Variants in RMST observed in about 807,000 individuals in gnomAD.
The protein encoded by RMST is rhabdomyosarcoma 2 associated transcript.
intron 10 of RMST, among the ~76,000 whole-genome samples, chr12:97,525,859 A>T (rs1271374811): frequency 6.6e-6 from 1 of 152,134 alleles, no homozygotes; most frequent in East Asian, 1.9e-4. Flanking sequence ...AGCCAGTCAA[A>T]ATCACTTGCA....
At chr12:97,469,316 A>G (rs1362490407) in intron 5 of RMST, among the ~76,000 whole-genome samples, 1 of 151,882 alleles carries the variant, frequency 6.6e-6, no homozygotes, top group South Asian at 2.1e-4. Flanking sequence ...TCTTATTGAT[A>G]TGTATTTAGA....
intron 10 of RMST, among the ~76,000 whole-genome samples, chr12:97,515,153 A>G (rs1879800189): frequency 6.6e-6 from 1 of 152,084 alleles, no homozygotes; most frequent in East Asian, 1.9e-4. Context: ...GGAGCAGTTT[A>G]TGTTTCTGAT....
At chr12:97,529,023 AG>A (rs1250227684) in intron 10 of RMST, among the ~76,000 whole-genome samples, 3 of 152,068 alleles carry the variant, frequency 2.0e-5, no homozygotes, top group Non-Finnish European at 4.4e-5. Context: ...TATCAGCCCA[AG>A]ACACAAAGGA....
chr12:97,523,552 T>A (rs1286819900), intron 10 of RMST, among the ~76,000 whole-genome samples: 1 of 152,238 alleles, frequency 6.6e-6, no homozygotes, highest in African/African-American at 2.4e-5. Flanking sequence ...TTATACAATG[T>A]ATACATGTAT....
chr12:97,465,429 T>C (rs1031384424), intron 4 of RMST, among the ~76,000 whole-genome samples: 10 of 152,128 alleles, frequency 6.6e-5, no homozygotes, highest in Admixed American at 1.3e-4. Context: ...GGCTATGGAG[T>C]ACACAGCCTT....
At chr12:97,487,737 G>A (rs1234941401) in intron 5 of RMST, among the ~76,000 whole-genome samples, 2 of 152,158 alleles carry the variant, frequency 1.3e-5, no homozygotes, top group African/African-American at 2.4e-5. Context: ...CCCTTGGCTA[G>A]GGAAGCCTCA....
chr12:97,479,911 C>T (rs1225183995), intron 5 of RMST, among the ~76,000 whole-genome samples: 1 of 152,116 alleles, frequency 6.6e-6, no homozygotes. Flanking sequence ...TCATCATCCC[C>T]CTTAACGTAG....
At chr12:97,541,807 A>G (rs1008583562) in intron 11 of RMST, among the ~76,000 whole-genome samples, 1 of 151,806 alleles carries the variant, frequency 6.6e-6, no homozygotes, top group Non-Finnish European at 1.5e-5. Context: ...GACCCAAGGA[A>G]GCCATTGGAT....
chr12:97,532,600 T>C (rs1490667710), intron 11 of RMST: 3 of 150,380 alleles, frequency 2.0e-5, no homozygotes, highest in African/African-American at 7.3e-5. Context: ...TGAAGGTCTG[T>C]GAGGATTAGA....
chr12:97,558,692 T>C (rs1883884340), intron 11 of RMST, among the ~76,000 whole-genome samples: 1 of 152,186 alleles, frequency 6.6e-6, no homozygotes, highest in Non-Finnish European at 1.5e-5. Context: ...ATGGAGATAT[T>C]GATGCCCTGG....
chr12:97,543,879 A>G (rs535556376), intron 11 of RMST, among the ~76,000 whole-genome samples: 3 of 152,156 alleles, frequency 2.0e-5, no homozygotes, highest in Admixed American at 2.0e-4. Flanking sequence ...TCATTTTGGT[A>G]AGCAAAGAAA....
At chr12:97,532,400 A>G (rs1185628657) in intron 11 of RMST, among the ~76,000 whole-genome samples, 2 of 151,990 alleles carry the variant, frequency 1.3e-5, no homozygotes, top group African/African-American at 2.4e-5. Context: ...TAAGTTTTGT[A>G]TGCAGTAAAC....
chr12:97,497,167 AC>A (rs1877521944), intron 10 of RMST, among the ~76,000 whole-genome samples: 1 of 152,210 alleles, frequency 6.6e-6, no homozygotes, highest in Admixed American at 6.6e-5. Flanking sequence ...TCAACAGTTA[AC>A]AGAGAATACA....
chr12:97,562,150 G>A (rs76658499), intron 13 of RMST, among the ~76,000 whole-genome samples: 307 of 152,198 alleles, frequency 2.0e-3, no homozygotes, highest in African/African-American at 6.7e-3. Context: ...CATGTGCCTC[G>A]ACACTTTAAA....
intron 10 of RMST, among the ~76,000 whole-genome samples, chr12:97,522,924 A>G (rs890624156): frequency 2.0e-5 from 3 of 152,154 alleles, no homozygotes; most frequent in Non-Finnish European, 2.9e-5. Context: ...TCCAAATTTG[A>G]TTATTTTTTC....
chr12:97,477,660 G>A (rs1445631032), intron 5 of RMST, among the ~76,000 whole-genome samples: 3 of 152,150 alleles, frequency 2.0e-5, no homozygotes, highest in African/African-American at 7.2e-5. Flanking sequence ...GTAAGAATAC[G>A]CAGGATCCCA....
chr12:97,463,500 T>C (rs1218108021), intron 4 of RMST, among the ~76,000 whole-genome samples: 1 of 152,230 alleles, frequency 6.6e-6, no homozygotes, highest in Non-Finnish European at 1.5e-5. Flanking sequence ...GAGCTGCTTT[T>C]TGTGTCTGTC....
At chr12:97,564,628 ACAT>A (rs1405803466) in exon 14 of RMST, 17 of 152,212 alleles carry the variant, frequency 1.1e-4, no homozygotes, top group Admixed American at 2.0e-4. Flanking sequence ...AAAGTATTTA[ACAT>A]CATATTTTTT....
chr12:97,540,951 GATAT>G (rs763840297), intron 11 of RMST, among the ~76,000 whole-genome samples: 1 of 101,266 alleles, frequency 9.9e-6, no homozygotes, highest in African/African-American at 7.4e-5. Context: ...GATAGATATA[GATAT>G]AGATATAGAT....
Sources: allele counts gnomAD v4.1 joint callset (sites outside exome capture counted in the v4.1 genomes callset), GRCh38; gene constraint gnomAD v4.1.1; transcripts MANE v1.5; gene names NCBI Gene and HGNC (gene_info 2026-07-23, HGNC 2026-07-21).